The following CCDC178 variants were observed in gnomAD, a reference collection of about 807,000 sequenced individuals.
CCDC178 encodes the protein coiled-coil domain containing 178.
CCDC178 carries 126 observed loss-of-function variants against 117.4 expected under a neutral mutation model. That is an observed-to-expected ratio of 1.07 (90% CI 0.93 to 1.24). The LOEUF (loss-of-function observed/expected upper bound fraction) is 1.24. Ranked by LOEUF, CCDC178 falls within the 50% of genes most tolerant of loss-of-function variation. The pLI is 0.00. For synonymous variants in CCDC178, 283 were observed against 313.4 expected, an observed-to-expected ratio of 0.90 and a Z score of 1.02; for missense variants, 1,030 against 986.9, an observed-to-expected ratio of 1.04 and a Z score of -0.59.
chr18:33,248,826 C>A lies in CCDC178; in HGVS notation c.1410-3398G>T, dbSNP rs2059581485. ...CAAATGGTATTTCTAGTTCTAGATG[C>A]TTGAGGAATCGCCACACTGTCTTCC... On this transcript the variant is annotated intron_variant, in intron 14 of 22. Coordinates refer to ENST00000383096, the MANE Select transcript of CCDC178 (RefSeq NM_001105528.4). 2.0e-5 allele frequency among the ~76,000 whole-genome samples: 3 copies of A among 152,168 alleles called. No individual in the cohort carries two copies. The South Asian group carries it at 6.2e-4, about 32-fold the overall frequency.
At position 33,389,615 on chromosome 18, in the gene CCDC178, G is replaced by T; in HGVS notation, c.133C>A (p.Gln45Lys). The T allele has an allele frequency of 6.7e-7, 1 of 1,497,048 alleles. No individual in the cohort carries two copies. Among genetic ancestry groups the T allele is most frequent in the South Asian group, 1.5e-5 (1 of 68,202 alleles). 92.7% of individuals were successfully genotyped at this position (1,497,048 alleles called of 1,614,324 possible). Reference sequence around the variant, plus strand: ...GAGGCTCCATATAGAACCAAACTTTGAGACATGGCATTGCCTTTTAAAAAG... The same window carrying T: ...GAGGCTCCATATAGAACCAAACTTTTAGACATGGCATTGCCTTTTAAAAAG... ...SRTNEGNAMSQSLVLYGASKE... is the reference protein window; with the variant it reads ...SRTNEGNAMSKSLVLYGASKE... Residue 45 changes from glutamine (Q) to lysine (K), a missense_variant, in exon 5 of 23, where the codon CAA becomes AAA. By Grantham distance (53) the Gln-to-Lys change is moderately conservative. Coordinates refer to ENST00000383096, the MANE Select transcript of CCDC178 (RefSeq NM_001105528.4).
intron 21 of CCDC178, among the ~76,000 whole-genome samples, chr18:33,052,790 A>T (rs76593128): frequency 6.6e-6 from 1 of 152,178 alleles, no homozygotes; most frequent in African/African-American, 2.4e-5. Context: ...AGCAGGATTT[A>T]AAAAAATTTT....
chr18:33,410,025 T>C (rs1030108265), intron 3 of CCDC178, among the ~76,000 whole-genome samples: 2 of 152,222 alleles, frequency 1.3e-5, no homozygotes, highest in African/African-American at 4.8e-5. Flanking sequence ...TTATCTGCTA[T>C]GTATATCTAT....
intron 9 of CCDC178, among the ~76,000 whole-genome samples, chr18:33,343,346 A>G (rs563758346): frequency 3.3e-5 from 5 of 152,352 alleles, no homozygotes; most frequent in African/African-American, 4.8e-5. Context: ...GTAGGATCAT[A>G]TACTACCAAA....
Position 33,187,385 on chromosome 18 carries a change from C to T in CCDC178, c.2238+24511G>A, listed in dbSNP as rs373677260. On this transcript the variant is annotated intron_variant, in intron 20 of 22. Coordinates refer to ENST00000383096, the MANE Select transcript of CCDC178 (RefSeq NM_001105528.4). ...GCCTCTTTTTGCAATAGATGCAACC[C>T]TTTCTCTCCTGACGAAGGAAGTTAC... is the stretch of plus-strand genomic sequence containing the variant. Among the ~76,000 whole-genome samples the T allele has an allele frequency of 2.1e-4, 32 of 152,154 alleles. 1 individual carries two copies. In the East Asian group the frequency reaches 4.5e-3, roughly 21 times the overall value.
At chr18:33,286,238 G>A (rs777699348) in intron 12 of CCDC178, among the ~76,000 whole-genome samples, 7 of 152,064 alleles carry the variant, frequency 4.6e-5, no homozygotes, top group Non-Finnish European at 7.4e-5. Flanking sequence ...GCCTCCCAAA[G>A]TGCTGGGATT....
At chr18:32,975,988 A>G (rs919699876) in intron 21 of CCDC178, among the ~76,000 whole-genome samples, 13 of 152,126 alleles carry the variant, frequency 8.5e-5, no homozygotes, top group Non-Finnish European at 1.8e-4. Flanking sequence ...TATCCTCATT[A>G]TGCATTGTTA....
chr18:33,086,207 G>A (rs2057375917), intron 21 of CCDC178, among the ~76,000 whole-genome samples: 1 of 151,714 alleles, frequency 6.6e-6, no homozygotes, highest in South Asian at 2.1e-4. Flanking sequence ...CAGCATTCTG[G>A]ATACCTGTGG....
intron 10 of CCDC178, among the ~76,000 whole-genome samples, chr18:33,325,852 A>G (rs562723315): frequency 4.3e-4 from 66 of 152,344 alleles, no homozygotes; most frequent in African/African-American, 1.6e-3. Flanking sequence ...CAACTTATAT[A>G]GTATAGAATG....
chr18:32,984,966 T>G (rs2055232171), intron 21 of CCDC178, among the ~76,000 whole-genome samples: 1 of 151,978 alleles, frequency 6.6e-6, no homozygotes, highest in Non-Finnish European at 1.5e-5. Context: ...GAGCTGTGGT[T>G]GAGCAATTTT....
chr18:33,407,260 A>G (rs1254701688), intron 3 of CCDC178, among the ~76,000 whole-genome samples: 1 of 151,946 alleles, frequency 6.6e-6, no homozygotes, highest in Non-Finnish European at 1.5e-5. Context: ...ATTTGATTTG[A>G]CTCTCCAATC....
At chr18:33,276,648 G>C (rs184514911) in intron 12 of CCDC178, among the ~76,000 whole-genome samples, 84 of 152,184 alleles carry the variant, frequency 5.5e-4, no homozygotes, top group African/African-American at 1.8e-3. Context: ...AGCTAATAAA[G>C]ATGAGGACAA....
intron 20 of CCDC178, among the ~76,000 whole-genome samples, chr18:33,147,437 T>C (rs1415791650): frequency 6.8e-6 from 1 of 147,920 alleles, no homozygotes; most frequent in Non-Finnish European, 1.5e-5. Context: ...GGCAGGGTCA[T>C]AGGACAATAG....
At chr18:33,152,234 A>G (rs1005563723) in intron 20 of CCDC178, among the ~76,000 whole-genome samples, 3 of 152,190 alleles carry the variant, frequency 2.0e-5, no homozygotes, top group Admixed American at 1.3e-4. Flanking sequence ...TACAATTTTG[A>G]GAGCAAATGC....
chr18:33,217,261 C>CT lies in CCDC178; in HGVS notation c.1933-1567dup, dbSNP rs1343960451. 2.0e-5 allele frequency among the ~76,000 whole-genome samples: 3 copies of CT among 151,922 alleles called. No individual in the cohort carries two copies. The East Asian group carries it at 5.8e-4, about 29-fold the overall frequency. On this transcript the variant is annotated intron_variant, in intron 18 of 22. Transcript: ENST00000383096. Reference sequence around the variant, plus strand: ...TAGAGAGACTCATAAAGTATCTTGACTGATTCTTGGTTTTATTGGTAGAGT... The same window carrying CT: ...TAGAGAGACTCATAAAGTATCTTGACTTGATTCTTGGTTTTATTGGTAGAGT...
chr18:33,168,243 CTTGAG>C (rs1267439872), intron 20 of CCDC178, among the ~76,000 whole-genome samples: 1 of 152,068 alleles, frequency 6.6e-6, no homozygotes, highest in Admixed American at 6.6e-5. Context: ...TTTAATCCAT[CTTGAG>C]TTAATTTTTG....
At chr18:33,321,207 A>G (rs1327931260) in intron 11 of CCDC178, among the ~76,000 whole-genome samples, 1 of 152,218 alleles carries the variant, frequency 6.6e-6, no homozygotes, top group Non-Finnish European at 1.5e-5. Context: ...AAAACACCAA[A>G]AGCGTGGCAA....
chr18:33,016,204 G>C (rs1382028836), intron 21 of CCDC178, among the ~76,000 whole-genome samples: 2 of 151,798 alleles, frequency 1.3e-5, no homozygotes, highest in African/African-American at 4.8e-5. Flanking sequence ...AATCATGAAG[G>C]CCTGAATAAT....
At chr18:32,985,881 C>T (rs1285856882) in intron 21 of CCDC178, among the ~76,000 whole-genome samples, 5 of 151,926 alleles carry the variant, frequency 3.3e-5, no homozygotes, top group African/African-American at 1.2e-4. Flanking sequence ...GTCATTTGAA[C>T]CTTGATTGTC....
Sources: gnomAD v4.1 joint callset for allele counts (sites outside exome capture counted in the v4.1 genomes callset) on GRCh38, gnomAD v4.1.1 for gene constraint, MANE v1.5 for transcripts, NCBI Gene and HGNC (gene_info 2026-07-23, HGNC 2026-07-21) for gene names.